The following MYO3B variants were observed in gnomAD, a reference collection of about 807,000 sequenced individuals.
MYO3B encodes the protein myosin IIIB, also known as myosin-IIIb.
A neutral mutation model predicts 174.6 loss-of-function variants in MYO3B; 156 were observed. That is an observed-to-expected ratio of 0.89 (90% CI 0.78 to 1.02). The LOEUF (loss-of-function observed/expected upper bound fraction) is 1.02, where lower values mean the gene tolerates loss of function less well. Among genes scored for constraint, MYO3B ranks in the 50% least tolerant of loss-of-function variants. The probability of loss-of-function intolerance (pLI) is 0.00; values close to 1 mark genes in which losing one functional copy is unlikely to be tolerated. For missense variants in MYO3B, 1,632 were observed against 1,639.4 expected, an observed-to-expected ratio of 1.00 and a Z score of 0.08; for synonymous variants, 563 against 569.1, an observed-to-expected ratio of 0.99 and a Z score of 0.15.
intron 30 of MYO3B, among the ~76,000 whole-genome samples, chr2:170,538,001 A>G (rs1429033214): frequency 4.6e-5 from 7 of 152,240 alleles, no homozygotes; most frequent in Non-Finnish European, 1.0e-4. Flanking sequence ...CTAACTTATA[A>G]TTGATAAAAG....
At chr2:170,579,331 ATAAT>A (rs1287792198) in intron 32 of MYO3B, among the ~76,000 whole-genome samples, 1 of 151,536 alleles carries the variant, frequency 6.6e-6, no homozygotes, top group Non-Finnish European at 1.5e-5. Context: ...TAAATAAAAT[ATAAT>A]TATATTTCAA....
At chr2:170,651,821 G>GGGGGGGCCCCC in intron 33 of MYO3B, 87 bp downstream of exon 33, 1 of 1,089,324 alleles carries the variant, frequency 9.2e-7, no homozygotes, top group Non-Finnish European at 1.4e-6. Context: ...AGCCCCTGCA[G>GGGGGGGCCCCC]CCCCACCCCC....
At chr2:170,247,906 A>G (rs2093209713) in intron 7 of MYO3B, among the ~76,000 whole-genome samples, 1 of 152,220 alleles carries the variant, frequency 6.6e-6, no homozygotes, top group Non-Finnish European at 1.5e-5. Flanking sequence ...ACCATAGCAC[A>G]AAGAATGGTG....
intron 7 of MYO3B, among the ~76,000 whole-genome samples, 157 bp downstream of exon 7, chr2:170,236,293 C>G (rs758710783): frequency 6.6e-6 from 1 of 151,884 alleles, no homozygotes; most frequent in Non-Finnish European, 1.5e-5. Flanking sequence ...CTGGGGGGGA[C>G]AGAGAAGAGG....
At chr2:170,604,019 G>A (rs1694670434) in intron 32 of MYO3B, among the ~76,000 whole-genome samples, 3 of 152,166 alleles carry the variant, frequency 2.0e-5, no homozygotes, top group Non-Finnish European at 4.4e-5. Context: ...ATACAGGTTT[G>A]TAGCCTAAAA....
At chr2:170,286,844 A>G (rs181877272) in intron 7 of MYO3B, among the ~76,000 whole-genome samples, 85 of 152,114 alleles carry the variant, frequency 5.6e-4, no homozygotes, top group Non-Finnish European at 1.1e-3. Flanking sequence ...GGTAATAACT[A>G]CATTTATATT....
intron 17 of MYO3B, among the ~76,000 whole-genome samples, chr2:170,400,743 G>A: frequency 6.6e-6 from 1 of 151,492 alleles, no homozygotes; most frequent in Non-Finnish European, 1.5e-5. Context: ...ATTTCCCCAA[G>A]GATGTCCTGT....
At chr2:170,506,750 C>T (rs1335548892) in intron 28 of MYO3B, among the ~76,000 whole-genome samples, 2 of 152,084 alleles carry the variant, frequency 1.3e-5, no homozygotes, top group African/African-American at 4.8e-5. Flanking sequence ...TTGAAATGAC[C>T]CATGCTTCTT....
At chr2:170,289,036 C>G (rs1309449329) in intron 7 of MYO3B, among the ~76,000 whole-genome samples, 1 of 152,094 alleles carries the variant, frequency 6.6e-6, no homozygotes, top group Non-Finnish European at 1.5e-5. Flanking sequence ...GTTGAACCAT[C>G]TTTGCATTTC....
intron 23 of MYO3B, among the ~76,000 whole-genome samples, chr2:170,458,224 T>C (rs1282039193): frequency 6.6e-6 from 1 of 152,258 alleles, no homozygotes; most frequent in Non-Finnish European, 1.5e-5. Flanking sequence ...TGAAGTGCAC[T>C]ATGACATTAT....
intron 32 of MYO3B, among the ~76,000 whole-genome samples, chr2:170,648,383 A>G (rs1698540788): frequency 1.3e-5 from 2 of 151,950 alleles, no homozygotes. Context: ...TAATCTCAGC[A>G]CTTTGGGAGG....
rs2094428039 is a variant in MYO3B, at chr2:170,393,672, T to G, written c.1791+1177T>G. On this transcript the variant is annotated intron_variant, in intron 16 of 34. Coordinates refer to ENST00000408978, the MANE Select transcript of MYO3B (RefSeq NM_138995.5). ...GCCACTCCAGATAAAGGATTACTTCTGTGTAATGCAGTATGATTGGCTAGC... is the reference window on the plus strand; with the variant it reads ...GCCACTCCAGATAAAGGATTACTTCGGTGTAATGCAGTATGATTGGCTAGC... Among the ~76,000 whole-genome samples, 3 of 152,322 alleles carry G rather than the reference T, an allele frequency of 2.0e-5. No individual in the cohort carries two copies. The East Asian group carries it at 5.8e-4, about 29-fold the overall frequency.
chr2:170,432,417 C>T (rs927463796), intron 22 of MYO3B, among the ~76,000 whole-genome samples: 2 of 151,468 alleles, frequency 1.3e-5, no homozygotes, highest in African/African-American at 4.9e-5. Context: ...TTTAAAAAGG[C>T]TTATAGAATT....
chr2:170,608,464 A>G (rs1312191338), intron 32 of MYO3B, among the ~76,000 whole-genome samples: 1 of 152,182 alleles, frequency 6.6e-6, no homozygotes, highest in African/African-American at 2.4e-5. Flanking sequence ...CCAAAAGGCA[A>G]CCAAGAGAAG....
At chr2:170,271,246 C>T (rs2093423189) in intron 7 of MYO3B, among the ~76,000 whole-genome samples, 1 of 152,058 alleles carries the variant, frequency 6.6e-6, no homozygotes, top group African/African-American at 2.4e-5. Flanking sequence ...GAACATTTAG[C>T]CTTTAACTGG....
intron 1 of MYO3B, among the ~76,000 whole-genome samples, chr2:170,185,859 AT>A (rs991300162): frequency 4.4e-4 from 23 of 52,788 alleles, no homozygotes; most frequent in Middle Eastern, 0.016. Context: ...GAGATCTTTC[AT>A]TTTTTTGGGT....
rs556174635 is a variant in MYO3B at position 170,605,757 on chromosome 2, G to A, written c.3734-45871G>A. On this transcript the variant is annotated intron_variant, in intron 32 of 34. Coordinates refer to ENST00000408978, the MANE Select transcript of MYO3B (RefSeq NM_138995.5). The stretch of plus-strand genomic sequence containing the variant: ...CGCCTGTAATCCCAGCTACTCGGGA[G>A]GTTGAGGCAGGAGAATTGCTTGAAC... 2.2e-4 allele frequency among the ~76,000 whole-genome samples: 33 copies of A among 152,228 alleles called. No homozygotes were observed. The South Asian group carries it at 2.7e-3, about 12-fold the overall frequency.
At chr2:170,290,613 A>T (rs902362325) in intron 7 of MYO3B, among the ~76,000 whole-genome samples, 9 of 152,074 alleles carry the variant, frequency 5.9e-5, no homozygotes, top group Non-Finnish European at 8.8e-5. Flanking sequence ...ATATAATTGG[A>T]TCTTGTTTCT....
intron 7 of MYO3B, among the ~76,000 whole-genome samples, chr2:170,252,824 G>T (rs2093267499): frequency 6.6e-6 from 1 of 152,118 alleles, no homozygotes; most frequent in Non-Finnish European, 1.5e-5. Flanking sequence ...ACATTTGGAG[G>T]AAACATAAGT....
Sources: allele counts gnomAD v4.1 joint callset (sites outside exome capture counted in the v4.1 genomes callset), GRCh38; gene constraint gnomAD v4.1.1; transcripts MANE v1.5; gene names NCBI Gene and HGNC (gene_info 2026-07-23, HGNC 2026-07-21).